Variants in CD2AP observed in about 807,000 individuals in gnomAD.
The protein encoded by CD2AP is CD2 associated protein, also known as CD2-associated protein.
In CD2AP, 46 loss-of-function variants were observed where a neutral mutation model predicts 85.1. The ratio of observed to expected loss-of-function variants is 0.54; its 90% confidence interval spans 0.43 to 0.69. The LOEUF is 0.69. Ranked by LOEUF, CD2AP falls within the 30% of genes least tolerant of loss-of-function variation. The pLI is 0.00. For synonymous variants in CD2AP, 255 were observed against 252.9 expected, an observed-to-expected ratio of 1.01 and a Z score of -0.08; for missense variants, 769 against 729.5, an observed-to-expected ratio of 1.05 and a Z score of -0.62.
At chr6:47,614,142 A>G (rs570847323) in intron 17 of CD2AP, among the ~76,000 whole-genome samples, 1 of 152,316 alleles carries the variant, frequency 6.6e-6, no homozygotes, top group East Asian at 1.9e-4. Context: ...AAGGCTGTTA[A>G]GTTTTCTTAT....
chr6:47,562,610 A>C (rs1405882627), intron 5 of CD2AP: 2 of 427,100 alleles, frequency 4.7e-6, no homozygotes, highest in South Asian at 5.2e-5. Context: ...ACCTGAACCC[A>C]CTGCTGTGGT....
chr6:47,620,273 A>G (rs1049411478), intron 17 of CD2AP, among the ~76,000 whole-genome samples: 4 of 152,170 alleles, frequency 2.6e-5, no homozygotes, highest in African/African-American at 9.7e-5. Flanking sequence ...TCATTCTCCT[A>G]CATGCGGCTA....
intron 13 of CD2AP, among the ~76,000 whole-genome samples, chr6:47,604,101 T>G (rs1345952022): frequency 6.6e-6 from 1 of 152,158 alleles, no homozygotes; most frequent in Non-Finnish European, 1.5e-5. Context: ...ATATTTCATT[T>G]TGCTTTTTAA....
intron 5 of CD2AP, among the ~76,000 whole-genome samples, chr6:47,568,082 G>C (rs1416240264): frequency 6.6e-6 from 1 of 152,166 alleles, no homozygotes; most frequent in Admixed American, 6.5e-5. Flanking sequence ...TAGTGATAAT[G>C]TTATTTGGGG....
intron 14 of CD2AP, among the ~76,000 whole-genome samples, chr6:47,607,299 A>C (rs868655652): frequency 3.9e-5 from 6 of 152,044 alleles, no homozygotes; most frequent in South Asian, 2.1e-4. Flanking sequence ...TTTGATATAC[A>C]GATTTCCTTT....
intron 5 of CD2AP, among the ~76,000 whole-genome samples, chr6:47,557,079 T>C (rs2114067117): frequency 6.6e-6 from 1 of 152,330 alleles, no homozygotes; most frequent in Middle Eastern, 3.4e-3. Flanking sequence ...TGGCCAGTGA[T>C]GGTGAGCTTT....
At chr6:47,592,261 G>C (rs1202626847) in intron 11 of CD2AP, among the ~76,000 whole-genome samples, 4 of 151,618 alleles carry the variant, frequency 2.6e-5, no homozygotes, top group African/African-American at 9.7e-5. Context: ...CAAATTTTTA[G>C]CTGAACTAAC....
At chr6:47,594,004 T>A (rs1464738893) in intron 11 of CD2AP, among the ~76,000 whole-genome samples, 1 of 152,060 alleles carries the variant, frequency 6.6e-6, no homozygotes, top group East Asian at 1.9e-4. Context: ...GAGGCTAAAC[T>A]GCTAAAACAT....
intron 13 of CD2AP, among the ~76,000 whole-genome samples, chr6:47,601,760 A>G (rs570000650): frequency 6.6e-6 from 1 of 152,172 alleles, no homozygotes; most frequent in South Asian, 2.1e-4. Flanking sequence ...AGCCTTTTTA[A>G]TATGTTTTAG....
At chr6:47,613,795 T>C (rs545365557) in intron 17 of CD2AP, among the ~76,000 whole-genome samples, 88 of 152,332 alleles carry the variant, frequency 5.8e-4, no homozygotes, top group African/African-American at 2.1e-3. Flanking sequence ...CTAGATGATA[T>C]CTTCTTTCAA....
intron 2 of CD2AP, among the ~76,000 whole-genome samples, chr6:47,509,021 A>T (rs561409470): frequency 6.6e-6 from 1 of 152,286 alleles, no homozygotes; most frequent in African/African-American, 2.4e-5. Flanking sequence ...AAACTTGGTC[A>T]TTTCTAGCTT....
intron 11 of CD2AP, among the ~76,000 whole-genome samples, chr6:47,590,918 A>G (rs921400251): frequency 7.9e-5 from 12 of 152,218 alleles, no homozygotes; most frequent in Admixed American, 5.2e-4. Context: ...ACACAAAAAA[A>G]TGGAAAAATA....
At chr6:47,590,891 A>T (rs1409954104) in intron 11 of CD2AP, among the ~76,000 whole-genome samples, 2 of 152,196 alleles carry the variant, frequency 1.3e-5, no homozygotes, top group East Asian at 3.9e-4. Context: ...ACATTGAGGC[A>T]AGGAATTGAA....
intron 6 of CD2AP, among the ~76,000 whole-genome samples, chr6:47,576,066 A>G (rs1262415070): frequency 1.3e-5 from 2 of 151,992 alleles, no homozygotes; most frequent in Non-Finnish European, 2.9e-5. Flanking sequence ...GTTTTTATTT[A>G]TTGTATTTGT....
In CD2AP at chr6:47,554,812, A is replaced by G. The variant is rs371806727; in HGVS notation, c.541+46A>G. 186 of 1,491,676 alleles carry G rather than the reference A, an allele frequency of 1.2e-4. 3 individuals are homozygous for G. The Admixed American group carries it at 2.7e-3, about 22-fold the overall frequency. The allele number at this position is 1,491,676 out of a possible 1,614,324, so 92.4% of individuals were successfully genotyped here. A position where few individuals can be genotyped will look rare whatever the true frequency, so the allele number is the denominator to read the frequency against. On this transcript the variant is annotated intron_variant, in intron 5 of 17. Transcript: ENST00000359314. ...TTTAATTGATTTAAATAAACTTTAT[A>G]TAGCATCTAGTGTTTTATTTTGTAT...
At chr6:47,489,431 C>T (rs572431029) in intron 1 of CD2AP, among the ~76,000 whole-genome samples, 44 of 152,268 alleles carry the variant, frequency 2.9e-4, no homozygotes, top group African/African-American at 1.0e-3. Flanking sequence ...CCGCCTCGGC[C>T]TCCCAAAGTG....
At chr6:47,609,482 G>C in intron 16 of CD2AP, 178 bp downstream of exon 16, 1 of 355,028 alleles carries the variant, frequency 2.8e-6, no homozygotes, top group East Asian at 4.3e-5. Flanking sequence ...TTCGAGACCA[G>C]CCTGGACGAC....
At chr6:47,583,856 G>A (rs956534269) in intron 11 of CD2AP, among the ~76,000 whole-genome samples, 3 of 152,178 alleles carry the variant, frequency 2.0e-5, no homozygotes, top group Non-Finnish European at 2.9e-5. Flanking sequence ...TTCCAATGTG[G>A]CTGAACCATT....
rs533143436 is a variant in CD2AP, at chr6:47,480,514, C to A, written c.4+2266C>A. On this transcript the variant is annotated intron_variant, in intron 1 of 17. Transcript: ENST00000359314. Reference sequence around the variant, plus strand: ...AAGCATGGGCTCTGGACAGAGACTACTTGAGGTCAAATTCTCTTCTACCTA... The same window carrying A: ...AAGCATGGGCTCTGGACAGAGACTAATTGAGGTCAAATTCTCTTCTACCTA... 4.6e-5 allele frequency among the ~76,000 whole-genome samples: 7 copies of A among 152,290 alleles called. No homozygotes were observed. In the South Asian group the frequency reaches 1.2e-3, roughly 27 times the overall value.
Sources: gnomAD v4.1 joint callset for allele counts (sites outside exome capture counted in the v4.1 genomes callset) on GRCh38, gnomAD v4.1.1 for gene constraint, MANE v1.5 for transcripts, NCBI Gene and HGNC (gene_info 2026-07-23, HGNC 2026-07-21) for gene names.